Variants in DDX10 observed in about 807,000 individuals in gnomAD.
DDX10 encodes DEAD-box helicase 10.
Under a neutral mutation model 104.3 loss-of-function variants are expected in DDX10, and 74 were observed. The observed-to-expected ratio is 0.71, with a 90% CI of 0.59 to 0.86. The LOEUF (loss-of-function observed/expected upper bound fraction) is 0.86. Among genes scored for constraint, DDX10 ranks in the 40% least tolerant of loss-of-function variants. The pLI, the probability that DDX10 is intolerant of heterozygous loss-of-function variation, is 0.00. For synonymous variants in DDX10, 351 were observed against 353.4 expected (o/e 0.99, Z 0.08); for missense variants, 952 against 1,040.0 (o/e 0.92, Z 1.16).
At chr11:108,708,787 C>T (rs935491607) in intron 10 of DDX10, among the ~76,000 whole-genome samples, 5 of 152,000 alleles carry the variant, frequency 3.3e-5, no homozygotes, top group African/African-American at 9.7e-5. Context: ...AGGCTGGTCT[C>T]GAACTCCTGG....
intron 13 of DDX10, among the ~76,000 whole-genome samples, chr11:108,804,852 C>T (rs1862075812): frequency 6.6e-6 from 1 of 152,174 alleles, no homozygotes; most frequent in Non-Finnish European, 1.5e-5. Context: ...CCCTAATCTT[C>T]AATATGATGG....
At chr11:108,702,911 T>C (rs1426563944) in intron 9 of DDX10, among the ~76,000 whole-genome samples, 1 of 152,256 alleles carries the variant, frequency 6.6e-6, no homozygotes, top group Non-Finnish European at 1.5e-5. Context: ...TACTGGTTGC[T>C]TGCTTTTAAG....
chr11:108,710,095 A>C (rs2094282052), intron 10 of DDX10, among the ~76,000 whole-genome samples: 1 of 152,212 alleles, frequency 6.6e-6, no homozygotes. Flanking sequence ...AGGCACAGTA[A>C]AAATACAGTA....
chr11:108,678,416 T>C lies in DDX10; in HGVS notation c.639T>C (p.Ala213=), dbSNP rs969582287. The C allele has an allele frequency of 6.2e-7, 1 of 1,606,502 alleles. No individual in the cohort carries two copies. Among genetic ancestry groups the C allele is most frequent in the Non-Finnish European group, 8.5e-7 (1 of 1,176,932 alleles). The part of the protein sequence containing the change: ...QHMDETVSFH[A]TDLQMLVLDE... ...TGGATGAAACAGTATCTTTTCATGC[T>C]ACCGACCTCCAAATGTTAGGTGAGT... is the stretch of plus-strand genomic sequence containing the variant. Residue 213 remains alanine (A), a synonymous_variant, in exon 5 of 18, where the codon GCT becomes GCC. Transcript: ENST00000322536.
At chr11:108,897,795 G>A (rs1863460567) in intron 16 of DDX10, among the ~76,000 whole-genome samples, 1 of 151,894 alleles carries the variant, frequency 6.6e-6, no homozygotes, top group Non-Finnish European at 1.5e-5. Context: ...GATAATGTGA[G>A]TTCTCCGGAG....
At chr11:108,940,190 T>C in intron 17 of DDX10, 56 bp from the exon 18 acceptor site, 1 of 1,554,446 alleles carries the variant, frequency 6.4e-7, no homozygotes. Flanking sequence ...TGTCCTATTT[T>C]AAATGTTTGA....
intron 13 of DDX10, among the ~76,000 whole-genome samples, chr11:108,810,366 T>C (rs1196895751): frequency 1.3e-5 from 2 of 151,836 alleles, no homozygotes; most frequent in East Asian, 3.9e-4. Flanking sequence ...TTTAATTAGG[T>C]GTTATTTGAT....
At chr11:108,914,122 C>T (rs957473247) in intron 16 of DDX10, among the ~76,000 whole-genome samples, 2 of 151,958 alleles carry the variant, frequency 1.3e-5, no homozygotes, top group Non-Finnish European at 2.9e-5. Context: ...ACTTTGAATT[C>T]GTATTTTCTT....
At chr11:108,869,070 C>A (rs1398598441) in intron 16 of DDX10, among the ~76,000 whole-genome samples, 2 of 149,286 alleles carry the variant, frequency 1.3e-5, no homozygotes, top group African/African-American at 4.9e-5. Flanking sequence ...TAAGGATGGA[C>A]ATGGAAGCGG....
intron 16 of DDX10, among the ~76,000 whole-genome samples, chr11:108,904,428 T>C (rs78244189): frequency 0.025 from 3,844 of 152,280 alleles, 151 homozygotes; most frequent in African/African-American, 0.085. Context: ...GGTTAATGGA[T>C]TTTCACATTC....
intron 16 of DDX10, among the ~76,000 whole-genome samples, chr11:108,900,132 T>A (rs1478026522): frequency 6.6e-6 from 1 of 151,138 alleles, no homozygotes; most frequent in African/African-American, 2.4e-5. Context: ...AAAAGTGTGG[T>A]TCTTCCGTCC....
intron 15 of DDX10, among the ~76,000 whole-genome samples, chr11:108,845,892 C>G (rs1591833834): frequency 6.6e-6 from 1 of 152,094 alleles, no homozygotes; most frequent in African/African-American, 2.4e-5. Context: ...AGTTGACAGC[C>G]TTGAATCATA....
intron 16 of DDX10, among the ~76,000 whole-genome samples, chr11:108,901,254 T>C (rs991958733): frequency 6.6e-6 from 1 of 152,222 alleles, no homozygotes; most frequent in Non-Finnish European, 1.5e-5. Flanking sequence ...TCCCTTACCA[T>C]GCGTACATCA....
intron 16 of DDX10, among the ~76,000 whole-genome samples, chr11:108,885,421 G>T (rs534491817): frequency 1.3e-4 from 19 of 148,826 alleles, no homozygotes; most frequent in Admixed American, 3.4e-4. Context: ...GTAGTGGCGT[G>T]ATCTCAGCTC....
At chr11:108,938,210 C>T (rs529380912) in intron 17 of DDX10, among the ~76,000 whole-genome samples, 1 of 152,268 alleles carries the variant, frequency 6.6e-6, no homozygotes, top group South Asian at 2.1e-4. Context: ...TAATAATTAA[C>T]TTGTTATACA....
intron 16 of DDX10, among the ~76,000 whole-genome samples, chr11:108,873,498 C>T (rs1285596023): frequency 6.6e-6 from 1 of 152,042 alleles, no homozygotes; most frequent in African/African-American, 2.4e-5. Flanking sequence ...ATTGTTTTCC[C>T]CTCCTAATCT....
intron 16 of DDX10, among the ~76,000 whole-genome samples, chr11:108,874,035 T>C (rs948918815): frequency 6.6e-6 from 1 of 152,194 alleles, no homozygotes; most frequent in African/African-American, 2.4e-5. Context: ...CTATTTAATC[T>C]GCAAGATTGC....
At chr11:108,916,070 C>T (rs948272730) in intron 16 of DDX10, among the ~76,000 whole-genome samples, 1 of 150,150 alleles carries the variant, frequency 6.7e-6, no homozygotes. Flanking sequence ...ATTTCTAATA[C>T]AGTAAATGTC....
chr11:108,921,639 G>A (rs1332880390), intron 17 of DDX10: 1 of 152,148 alleles, frequency 6.6e-6, no homozygotes, highest in Non-Finnish European at 1.5e-5. Flanking sequence ...TCACTCTTAT[G>A]GGACTAGATA....
Sources: gnomAD v4.1 joint callset for allele counts (sites outside exome capture counted in the v4.1 genomes callset) on GRCh38, gnomAD v4.1.1 for gene constraint, MANE v1.5 for transcripts, NCBI Gene and HGNC (gene_info 2026-07-23, HGNC 2026-07-21) for gene names.